Variants in PRUNE2 observed in about 807,000 individuals in gnomAD.
PRUNE2 encodes the protein protein prune homolog 2.
In PRUNE2, 164 loss-of-function variants were observed where a neutral mutation model predicts 252.0. That is an observed-to-expected ratio of 0.65 (90% CI 0.57 to 0.74). The LOEUF is 0.74. Among genes scored for constraint, PRUNE2 ranks in the 30% least tolerant of loss-of-function variants. The pLI is 0.00. For missense variants in PRUNE2, 3,495 were observed against 3,711.0 expected (o/e 0.94, Z 1.51); for synonymous variants, 1,292 against 1,350.2 (o/e 0.96, Z 0.94).
intron 1 of PRUNE2, among the ~76,000 whole-genome samples, chr9:76,886,783 C>T (rs1203789125): frequency 1.3e-5 from 2 of 152,050 alleles, no homozygotes; most frequent in African/African-American, 4.8e-5. Context: ...AATTTAAGCC[C>T]CTACTTTCTG....
chr9:76,727,204 C>T (rs1434963201), intron 6 of PRUNE2, among the ~76,000 whole-genome samples: 1 of 152,168 alleles, frequency 6.6e-6, no homozygotes, highest in Non-Finnish European at 1.5e-5. Context: ...CCCTGTGGGG[C>T]AAAATCACCC....
Position 76,629,216 on chromosome 9 carries a change from A to G in PRUNE2, c.9125T>C (p.Ile3042Thr). Residue 3042 changes from isoleucine (I) to threonine (T), a missense_variant, in exon 16 of 19, where the codon ATC (isoleucine) becomes ACC (threonine). Transcript: ENST00000376718. Reference sequence around the variant, plus strand: ...CTTGATGATGCTCTCTGGAATGTGGATGCAATCCATTGGGATCAGCCCACT... The same window carrying G: ...CTTGATGATGCTCTCTGGAATGTGGGTGCAATCCATTGGGATCAGCCCACT... The part of the protein sequence containing the change: ...ELSGLIPMDC[I>T]HIPESIIKLD... 1.2e-6 allele frequency: 2 copies of G among 1,605,512 alleles called. No homozygotes were observed. Among genetic ancestry groups the G allele is most frequent in the Non-Finnish European group, 1.7e-6 (2 of 1,174,368 alleles).
chr9:76,892,151 C>A (rs2062521266), intron 1 of PRUNE2, among the ~76,000 whole-genome samples: 1 of 152,200 alleles, frequency 6.6e-6, no homozygotes, highest in African/African-American at 2.4e-5. Flanking sequence ...CTCAACTCAG[C>A]AGGCAGGCCA....
In PRUNE2 at chr9:76,652,162, T is replaced by C. The variant is rs990362104; in HGVS notation, c.8557+321A>G. ...TCTTCTTCAAATTTTATCGTCCTGA[T>C]TAAATTCTCTTCCCCTGCAAACCCA... On this transcript the variant is annotated intron_variant, in intron 11 of 18. Coordinates refer to ENST00000376718, the MANE Select transcript of PRUNE2 (RefSeq NM_015225.3). The C allele has an allele frequency of 1.4e-5, 3 of 215,672 alleles. No homozygotes were observed. In the East Asian group the frequency reaches 2.9e-4, roughly 21 times the overall value. 13.4% of individuals were successfully genotyped at this position (215,672 alleles called of 1,614,324 possible).
chr9:76,773,616 G>C (rs1462599680), intron 6 of PRUNE2, among the ~76,000 whole-genome samples: 1 of 151,878 alleles, frequency 6.6e-6, no homozygotes, highest in Non-Finnish European at 1.5e-5. Flanking sequence ...GCTAATTTTT[G>C]TACTTTTAGT....
chr9:76,711,370 C>G lies in PRUNE2; in HGVS notation c.916-12G>C, dbSNP rs2046717959. ...AGCTCACAGCAAATCTGTCGGAAGGCACAGGAATTTGTGTCAGCACTCAAG... is the reference window on the plus strand; with the variant it reads ...AGCTCACAGCAAATCTGTCGGAAGGGACAGGAATTTGTGTCAGCACTCAAG... On this transcript the variant is annotated splice_polypyrimidine_tract_variant and intron_variant, in intron 7 of 18. Coordinates refer to ENST00000376718, the MANE Select transcript of PRUNE2 (RefSeq NM_015225.3). 6.3e-7 allele frequency: 1 copy of G among 1,590,674 alleles called. No homozygotes were observed. Among genetic ancestry groups the G allele is most frequent in the African/African-American group, 1.3e-5 (1 of 74,404 alleles).
chr9:76,886,648 C>A (rs1423011169), intron 1 of PRUNE2, among the ~76,000 whole-genome samples: 1 of 152,124 alleles, frequency 6.6e-6, no homozygotes, highest in East Asian at 1.9e-4. Flanking sequence ...CCTAATAAAC[C>A]AAGAACTTTA....
At position 76,707,876 on chromosome 9, in the gene PRUNE2, A is replaced by C; in HGVS notation, c.4398T>G (p.Thr1466=). 2 of 1,613,720 alleles carry C rather than the reference A, an allele frequency of 1.2e-6. No individual in the cohort carries two copies. Among genetic ancestry groups the C allele is most frequent in the Non-Finnish European group, 1.7e-6 (2 of 1,179,800 alleles). ...CTGGCTCTAGAAAGTTACATTCTTC[A>C]GTTTTCTCAAGATCCTTTTCAGGTA... The part of the protein sequence containing the change: ...VSVPEKDLEK[T]EECNFLEPEN... The change falls in exon 8 of 19, where the codon ACT becomes ACG. Residue 1466 remains threonine, a synonymous_variant. Coordinates refer to ENST00000376718, the MANE Select transcript of PRUNE2 (RefSeq NM_015225.3).
chr9:76,779,102 A>G (rs1275611753), intron 6 of PRUNE2, among the ~76,000 whole-genome samples: 1 of 152,248 alleles, frequency 6.6e-6, no homozygotes, highest in Non-Finnish European at 1.5e-5. Context: ...CTTGAGAAGA[A>G]CAGGTTTCAT....
chr9:76,634,297 A>C (rs1839034090), intron 15 of PRUNE2, among the ~76,000 whole-genome samples: 1 of 152,206 alleles, frequency 6.6e-6, no homozygotes, highest in African/African-American at 2.4e-5. Flanking sequence ...AGTAGTGTTG[A>C]ATTATAATAA....
intron 9 of PRUNE2, among the ~76,000 whole-genome samples, chr9:76,687,140 C>T (rs550513769): frequency 6.6e-6 from 1 of 152,326 alleles, no homozygotes; most frequent in African/African-American, 2.4e-5. Context: ...CCCACATTTG[C>T]TTTCTTTCAA....
At chr9:76,807,766 C>T (rs2057074671) in intron 6 of PRUNE2, among the ~76,000 whole-genome samples, 1 of 152,180 alleles carries the variant, frequency 6.6e-6, no homozygotes, top group African/African-American at 2.4e-5. Flanking sequence ...GAGGGAGATT[C>T]CCTTTACAAT....
intron 1 of PRUNE2, among the ~76,000 whole-genome samples, chr9:76,858,764 A>AAAAAAAAAGAAAG (rs1462039286): frequency 3.3e-5 from 5 of 151,884 alleles, no homozygotes; most frequent in Admixed American, 3.3e-4. Context: ...TAATTAAAAA[A>AAAAAAAAAGAAAG]AAAAAAAAGA....
chr9:76,628,545 T>G (rs1456197990), intron 16 of PRUNE2, among the ~76,000 whole-genome samples: 2 of 145,354 alleles, frequency 1.4e-5, no homozygotes, highest in East Asian at 4.0e-4. Context: ...CTTGTGTCTG[T>G]GCAGAGTGGG....
intron 12 of PRUNE2, chr9:76,642,001 T>TAAAAAAAAAAAAAAAAAAAAGAAA: frequency 9.9e-7 from 1 of 1,010,460 alleles, no homozygotes; most frequent in South Asian, 1.7e-5. Context: ...ATAAGAGAAG[T>TAAAAAAAAAAAAAAAAAAAAGAAA]AAAAAAAAAA....
rs1186391758 is a variant in PRUNE2 at position 76,612,583 on chromosome 9, G to A, written c.*1987C>T. 1 of 152,242 alleles carries A rather than the reference G, an allele frequency of 6.6e-6. No individual in the cohort carries two copies. Among genetic ancestry groups the A allele is most frequent in the Admixed American group, 6.5e-5 (1 of 15,268 alleles). The allele number at this position is 152,242 out of a possible 1,614,324, so 9.4% of individuals were successfully genotyped here. On this transcript the variant is annotated 3_prime_UTR_variant, in exon 19 of 19. Transcript: ENST00000376718. ...GCTTTCAAAAGTGGAGGTGGGCTGT[G>A]GGAGGGGGTGGGCTGTAGGGTTTTT...
chr9:76,888,532 G>A (rs7873767), intron 1 of PRUNE2, among the ~76,000 whole-genome samples: 1,778 of 151,546 alleles, frequency 0.012, 37 homozygotes, highest in African/African-American at 0.04. Context: ...AGCCGAGGTC[G>A]CACCACTGCA....
At chr9:76,670,220 G>A (rs1415297433) in intron 9 of PRUNE2, among the ~76,000 whole-genome samples, 3 of 152,190 alleles carry the variant, frequency 2.0e-5, no homozygotes, top group Admixed American at 6.5e-5. Context: ...GAAGCAGGGC[G>A]AGGCATTGCC....
At chr9:76,639,228 A>C (rs567166105) in intron 12 of PRUNE2, among the ~76,000 whole-genome samples, 1 of 152,310 alleles carries the variant, frequency 6.6e-6, no homozygotes, top group South Asian at 2.1e-4. Context: ...GCCATGACTC[A>C]TGCCTGTAAT....
Sources: gnomAD v4.1 joint callset for allele counts (sites outside exome capture counted in the v4.1 genomes callset) on GRCh38, gnomAD v4.1.1 for gene constraint, MANE v1.5 for transcripts, NCBI Gene and HGNC (gene_info 2026-07-23, HGNC 2026-07-21) for gene names.